The following SLC35E2B variants were observed in gnomAD, a reference collection of about 807,000 sequenced individuals.
The protein encoded by SLC35E2B is solute carrier family 35 member E2B.
Under a neutral mutation model 32.4 loss-of-function variants are expected in SLC35E2B, and 18 were observed. The ratio of observed to expected loss-of-function variants is 0.56; its 90% CI spans 0.38 to 0.82. The LOEUF is 0.82. SLC35E2B is among the 40% of genes least tolerant of loss of function. The probability of loss-of-function intolerance (pLI) is 0.00; values close to 1 mark genes in which losing one functional copy is unlikely to be tolerated. For missense variants in SLC35E2B, 263 were observed against 469.5 expected, an observed-to-expected ratio of 0.56 and a Z score of 4.06; for synonymous variants, 132 against 209.1, an observed-to-expected ratio of 0.63 and a Z score of 3.18.
At position 1,681,968 on chromosome 1, in the gene SLC35E2B, G is replaced by T. The variant is rs542365488; in HGVS notation, c.-147-5122C>A. ...CCACTGCACTCACTCCAGCCTGGGC[G>T]ACAGAGCAACACTCTGTCTCAAAAA... is the stretch of plus-strand genomic sequence containing the variant. On this transcript the variant is annotated intron_variant, in intron 2 of 9. Transcript: ENST00000617444. Among the ~76,000 whole-genome samples, 172 of 108,618 alleles carry T rather than the reference G, an allele frequency of 1.6e-3. 1 individual carries two copies. The highest frequency in any genetic ancestry group is 5.8e-3 in the African/African-American group (162 of 28,144). The allele number at this position is 108,618 out of a possible 152,430, so 71.3% of individuals were successfully genotyped here.
chr1:1,679,830 CAAAA>C (rs763458628), intron 2 of SLC35E2B, among the ~76,000 whole-genome samples: 2 of 70,740 alleles, frequency 2.8e-5, no homozygotes, highest in Non-Finnish European at 3.0e-5. Context: ...AGACTCCCGT[CAAAA>C]AAAAAAAAAA....
In SLC35E2B at chr1:1,665,110, G is replaced by T; in HGVS notation, c.*672C>A. The stretch of plus-strand genomic sequence containing the variant: ...AGGAGGGCAGGGTGTGGAAGAGGTA[G>T]GGGGCCTTCCTCTAAACAGAAGCGA... On this transcript the variant is annotated 3_prime_UTR_variant, in exon 10 of 10. Transcript: ENST00000617444. 1 of 252,020 alleles carries T rather than the reference G, an allele frequency of 4.0e-6. No homozygotes were observed. The highest frequency in any genetic ancestry group is 6.3e-6 in the Non-Finnish European group (1 of 159,200). The allele number at this position is 252,020 out of a possible 1,614,324, so 15.6% of individuals were successfully genotyped here.
At chr1:1,680,145 T>C (rs1235455966) in intron 2 of SLC35E2B, among the ~76,000 whole-genome samples, 1 of 151,594 alleles carries the variant, frequency 6.6e-6, no homozygotes. Context: ...AAAAATTTTT[T>C]TTTAATGTAG....
chr1:1,679,534 T>C (rs1391285463), intron 2 of SLC35E2B, among the ~76,000 whole-genome samples: 1 of 152,084 alleles, frequency 6.6e-6, no homozygotes, highest in Non-Finnish European at 1.5e-5. Flanking sequence ...CATCAAGAAC[T>C]TAAGGTTCTG....
chr1:1,665,028 A>C lies in SLC35E2B; in HGVS notation c.*754T>G. ...AGGGCTGGAAACCCCCACAGGTAGG[A>C]GGGCAGGGTGCCCTGGGGTTGCGGG... On this transcript the variant is annotated 3_prime_UTR_variant, in exon 10 of 10. Transcript: ENST00000617444. The C allele has an allele frequency of 3.1e-6, 3 of 964,092 alleles. No individual in the cohort carries two copies. The highest frequency in any genetic ancestry group is 3.7e-6 in the Non-Finnish European group (3 of 810,424). 59.7% of individuals were successfully genotyped at this position (964,092 alleles called of 1,614,324 possible).
chr1:1,671,812 TC>T (rs1240413371), intron 5 of SLC35E2B, among the ~76,000 whole-genome samples, 183 bp from the exon 6 acceptor site: 2 of 152,140 alleles, frequency 1.3e-5, no homozygotes, highest in Non-Finnish European at 2.9e-5. Flanking sequence ...TGCAAATAAG[TC>T]CCGTCCCCAC....
chr1:1,671,666 C>A, intron 5 of SLC35E2B, 37 bp from the exon 6 acceptor site: 1 of 1,482,060 alleles, frequency 6.7e-7, no homozygotes, highest in Non-Finnish European at 9.0e-7. Flanking sequence ...GGCTGACCCG[C>A]CGGGCGGACG....
At chr1:1,687,749 A>G (rs1643969190) in intron 2 of SLC35E2B, among the ~76,000 whole-genome samples, 1 of 134,624 alleles carries the variant, frequency 7.4e-6, no homozygotes, top group South Asian at 2.4e-4. Flanking sequence ...AAAAAAAAAA[A>G]AGATTAATCC....
At position 1,670,167 on chromosome 1, in the gene SLC35E2B, G is replaced by A; in HGVS notation, c.708-16C>T. 1 of 1,544,690 alleles carries A rather than the reference G, an allele frequency of 6.5e-7. No individual in the cohort carries two copies. The highest frequency in any genetic ancestry group is 8.8e-7 in the Non-Finnish European group (1 of 1,140,520). On this transcript the variant is annotated splice_polypyrimidine_tract_variant and intron_variant, in intron 6 of 9. Transcript: ENST00000617444. Reference sequence around the variant, plus strand: ...ATTTTGCAAACTAGAATAAAGAAAAGAGGTTATGCATCAATACTAGTCCTC... The same window carrying A: ...ATTTTGCAAACTAGAATAAAGAAAAAAGGTTATGCATCAATACTAGTCCTC...
intron 2 of SLC35E2B, among the ~76,000 whole-genome samples, chr1:1,683,031 C>T (rs1403977815): frequency 2.6e-5 from 4 of 152,004 alleles, no homozygotes; most frequent in Non-Finnish European, 5.9e-5. Flanking sequence ...GAGCCGACAT[C>T]GAGACATTGC....
intron 7 of SLC35E2B, 114 bp downstream of exon 7, chr1:1,669,984 C>T: frequency 4.8e-6 from 5 of 1,050,338 alleles, no homozygotes; most frequent in Non-Finnish European, 5.7e-6. Context: ...TTGTAAAGGC[C>T]ACCCAAGCCA....
At position 1,662,424 on chromosome 1, in the gene SLC35E2B, T is replaced by C; in HGVS notation, c.*3358A>G. 2.3e-6 allele frequency: 2 copies of C among 865,082 alleles called. No homozygotes were observed. The highest frequency in any genetic ancestry group is 2.7e-6 in the Non-Finnish European group (2 of 729,000). 53.6% of individuals were successfully genotyped at this position (865,082 alleles called of 1,614,324 possible). Reference sequence around the variant, plus strand: ...TATTCCCACTGACCCGTCTGAGTGATCACCCAGGAGCGCGGCGGCAGCAAG... The same window carrying C: ...TATTCCCACTGACCCGTCTGAGTGACCACCCAGGAGCGCGGCGGCAGCAAG... On this transcript the variant is annotated 3_prime_UTR_variant, in exon 10 of 10. Coordinates refer to ENST00000617444, the MANE Select transcript of SLC35E2B (RefSeq NM_001290264.2).
At chr1:1,675,228 C>G (rs1369564611) in intron 5 of SLC35E2B, among the ~76,000 whole-genome samples, 2 of 138,950 alleles carry the variant, frequency 1.4e-5, no homozygotes, top group Non-Finnish European at 3.3e-5. Context: ...GTTAGGGCCA[C>G]AGACACAACC....
chr1:1,686,130 G>A (rs538787778), intron 2 of SLC35E2B, among the ~76,000 whole-genome samples: 4 of 152,106 alleles, frequency 2.6e-5, no homozygotes, highest in South Asian at 2.1e-4. Context: ...TCAGCCTCCC[G>A]GGTAGTGGGG....
chr1:1,669,238 G>C (rs1643622342), intron 8 of SLC35E2B, among the ~76,000 whole-genome samples: 1 of 151,614 alleles, frequency 6.6e-6, no homozygotes, highest in African/African-American at 2.4e-5. Context: ...ACAAATTGCA[G>C]GTCCCAGCTA....
chr1:1,671,564 T>C lies in SLC35E2B; in HGVS notation c.652A>G (p.Ile218Val), dbSNP rs1053507205. ...GAGAACCCCAGGACATTGAAGCTGA[T>C]CTCAGTGGCCGTGCACAGCGCCAGC... is the stretch of plus-strand genomic sequence containing the variant. ...GGLALCTATE[I>V]SFNVLGFSAA... The change falls in exon 6 of 10, where the codon ATC becomes GTC. Residue 218 changes from isoleucine to valine, a missense_variant. By Grantham distance (29) the Ile-to-Val change is conservative. Transcript: ENST00000617444. The C allele has an allele frequency of 6.5e-7, 1 of 1,549,566 alleles. No individual in the cohort carries two copies. Among genetic ancestry groups the C allele is most frequent in the Non-Finnish European group, 8.7e-7 (1 of 1,146,152 alleles).
intron 2 of SLC35E2B, among the ~76,000 whole-genome samples, chr1:1,679,905 G>T (rs1471703540): frequency 6.6e-6 from 1 of 151,628 alleles, no homozygotes; most frequent in Non-Finnish European, 1.5e-5. Flanking sequence ...GGCCGAGGAG[G>T]GTGGATCATG....
Position 1,665,509 on chromosome 1 carries a change from T to G in SLC35E2B, c.*273A>C. The G allele has an allele frequency of 1.7e-6, 1 of 572,108 alleles. No homozygotes were observed. Among genetic ancestry groups the G allele is most frequent in the Non-Finnish European group, 3.0e-6 (1 of 329,150 alleles). 35.4% of individuals were successfully genotyped at this position (572,108 alleles called of 1,614,324 possible). On this transcript the variant is annotated 3_prime_UTR_variant, in exon 10 of 10. Transcript: ENST00000617444. ...AGAGAGGAAGTGGGCACCCCCAGCA[T>G]GGGAGCCTCAGAGGCTGTTTTCACA...
chr1:1,669,004 A>G (rs968524555), intron 8 of SLC35E2B, among the ~76,000 whole-genome samples: 13 of 151,896 alleles, frequency 8.6e-5, no homozygotes, highest in African/African-American at 2.7e-4. Flanking sequence ...AAAAAAAAAA[A>G]AAAATTAAAT....
Sources: gnomAD v4.1 joint callset for allele counts (sites outside exome capture counted in the v4.1 genomes callset) on GRCh38, gnomAD v4.1.1 for gene constraint, MANE v1.5 for transcripts, NCBI Gene and HGNC (gene_info 2026-07-23, HGNC 2026-07-21) for gene names.